The following ANO6 variants were observed in gnomAD, a reference collection of about 807,000 sequenced individuals.
The protein encoded by ANO6 is anoctamin-6.
Under a neutral mutation model 117.5 loss-of-function variants are expected in ANO6, and 106 were observed. The observed-to-expected ratio is 0.90, with a 90% confidence interval of 0.77 to 1.06. The LOEUF is 1.06. ANO6 is among the 50% of genes least tolerant of loss of function. The pLI, the probability that ANO6 is intolerant of heterozygous loss-of-function variation, is 0.00. For missense variants in ANO6, 955 were observed against 1,121.1 expected, an observed-to-expected ratio of 0.85 and a Z score of 2.12; for synonymous variants, 367 against 385.1, an observed-to-expected ratio of 0.95 and a Z score of 0.55.
chr12:45,343,677 A>G (rs557985348), intron 3 of ANO6, among the ~76,000 whole-genome samples: 165 of 152,300 alleles, frequency 1.1e-3, no homozygotes, highest in Middle Eastern at 3.4e-3. Context: ...AGAACTCACA[A>G]ATTCTCCTGA....
intron 9 of ANO6, among the ~76,000 whole-genome samples, chr12:45,377,089 A>T (rs1190033957): frequency 6.6e-6 from 1 of 151,986 alleles, no homozygotes; most frequent in Non-Finnish European, 1.5e-5. Context: ...AATCACCTAA[A>T]GCAGACTTTT....
At chr12:45,331,173 T>C (rs1318239641) in intron 2 of ANO6, 122 bp from the exon 3 acceptor site, 4 of 827,036 alleles carry the variant, frequency 4.8e-6, no homozygotes, top group Non-Finnish European at 7.6e-6. Flanking sequence ...TTTGGTAAGC[T>C]AACTAGTAGT....
chr12:45,409,029 T>G lies in ANO6; in HGVS notation c.1881-328T>G, dbSNP rs1943017714. Among the ~76,000 whole-genome samples the G allele has an allele frequency of 2.0e-5, 3 of 152,194 alleles. No individual in the cohort carries two copies. The South Asian group carries it at 6.2e-4, about 32-fold the overall frequency. On this transcript the variant is annotated intron_variant, in intron 15 of 19. Coordinates refer to ENST00000320560, the MANE Select transcript of ANO6 (RefSeq NM_001025356.3). ...CTGTTGATTTTCATACTGGCAAGAC[T>G]ATTTTGAATGATAAGGGGGAAATGA... is the stretch of plus-strand genomic sequence containing the variant.
Position 45,281,439 on chromosome 12 carries a change from A to G in ANO6, c.71-20575A>G, listed in dbSNP as rs192038364. ...GTTCTGCAGGCTATACAGGAAGTGCACTGTTGGCATCTGCTTCTAGGAGGG... is the reference window on the plus strand; with the variant it reads ...GTTCTGCAGGCTATACAGGAAGTGCGCTGTTGGCATCTGCTTCTAGGAGGG... On this transcript the variant is annotated intron_variant, in intron 1 of 19. Transcript: ENST00000320560. 7.9e-5 allele frequency among the ~76,000 whole-genome samples: 12 copies of G among 152,360 alleles called. No homozygotes were observed. In the East Asian group the frequency reaches 1.3e-3, roughly 17 times the overall value.
At chr12:45,381,892 T>A (rs991609617) in intron 10 of ANO6, among the ~76,000 whole-genome samples, 1 of 152,070 alleles carries the variant, frequency 6.6e-6, no homozygotes, top group Non-Finnish European at 1.5e-5. Context: ...TTATCATGAA[T>A]TATCTCCTGT....
chr12:45,426,783 G>A (rs912461094), intron 19 of ANO6, among the ~76,000 whole-genome samples: 4 of 151,930 alleles, frequency 2.6e-5, no homozygotes, highest in African/African-American at 9.7e-5. Context: ...TCATCCCTTG[G>A]TTGTCATCTT....
chr12:45,343,816 CAGT>C (rs1941048837), intron 3 of ANO6, among the ~76,000 whole-genome samples: 1 of 152,172 alleles, frequency 6.6e-6, no homozygotes, highest in Non-Finnish European at 1.5e-5. Flanking sequence ...CACTGACTAG[CAGT>C]AGCTATGGAC....
At chr12:45,222,989 G>T (rs1410937807) in intron 1 of ANO6, among the ~76,000 whole-genome samples, 1 of 152,276 alleles carries the variant, frequency 6.6e-6, no homozygotes, top group Non-Finnish European at 1.5e-5. Context: ...GGTTCAGGGA[G>T]TTTCTGGATA....
At chr12:45,379,646 A>G (rs867703088) in intron 10 of ANO6, among the ~76,000 whole-genome samples, 21 of 152,228 alleles carry the variant, frequency 1.4e-4, no homozygotes, top group African/African-American at 4.3e-4. Context: ...ACTAAACTGC[A>G]TATACTAATG....
chr12:45,279,904 A>G (rs1938667413), intron 1 of ANO6, among the ~76,000 whole-genome samples: 1 of 152,240 alleles, frequency 6.6e-6, no homozygotes, highest in Non-Finnish European at 1.5e-5. Flanking sequence ...TAATTCTGAC[A>G]TTTTCAAAGT....
chr12:45,320,132 G>C (rs1251996221), intron 2 of ANO6, among the ~76,000 whole-genome samples: 2 of 152,056 alleles, frequency 1.3e-5, no homozygotes, highest in Non-Finnish European at 2.9e-5. Context: ...GTTCTTCTCT[G>C]ATCTTAGTTA....
chr12:45,415,064 T>C (rs1943181441), intron 16 of ANO6, among the ~76,000 whole-genome samples: 1 of 148,486 alleles, frequency 6.7e-6, no homozygotes, highest in Non-Finnish European at 1.5e-5. Context: ...GGCTGACCTG[T>C]CAGCTTTTTT....
chr12:45,310,011 G>A (rs1008665902), intron 2 of ANO6, among the ~76,000 whole-genome samples: 1 of 152,080 alleles, frequency 6.6e-6, no homozygotes, highest in African/African-American at 2.4e-5. Flanking sequence ...AATTCACATG[G>A]CATCTCAAGG....
intron 1 of ANO6, among the ~76,000 whole-genome samples, chr12:45,268,888 G>A (rs778827785): frequency 1.3e-5 from 2 of 152,188 alleles, no homozygotes; most frequent in Non-Finnish European, 1.5e-5. Flanking sequence ...TGCTATTTCC[G>A]TGCTCAGGGC....
chr12:45,238,076 C>T (rs1429860035), intron 1 of ANO6, among the ~76,000 whole-genome samples: 1 of 151,702 alleles, frequency 6.6e-6, no homozygotes, highest in Non-Finnish European at 1.5e-5. Context: ...ATTTTGTATC[C>T]TGAGACTTTG....
intron 13 of ANO6, among the ~76,000 whole-genome samples, chr12:45,402,570 C>T (rs1408361876): frequency 6.6e-6 from 1 of 152,202 alleles, no homozygotes. Flanking sequence ...ATGGCCTGCT[C>T]GGTGATCATC....
At chr12:45,263,624 T>C (rs74080989) in intron 1 of ANO6, among the ~76,000 whole-genome samples, 1,587 of 152,232 alleles carry the variant, frequency 0.01, 31 homozygotes, top group African/African-American at 0.036. Flanking sequence ...TCCTAACTTT[T>C]TATAGATGTG....
At chr12:45,216,870 G>A (rs1416226788) in intron 1 of ANO6, among the ~76,000 whole-genome samples, 3 of 152,170 alleles carry the variant, frequency 2.0e-5, no homozygotes, top group Admixed American at 2.0e-4. Context: ...GCTCTGGGAG[G>A]TTTGAGGCCT....
intron 12 of ANO6, among the ~76,000 whole-genome samples, chr12:45,401,226 T>C (rs970306436): frequency 5.3e-5 from 8 of 152,216 alleles, no homozygotes; most frequent in African/African-American, 1.9e-4. Context: ...GCTCAGACTC[T>C]CCCCTGCTAC....
Sources: gnomAD v4.1 joint callset for allele counts (sites outside exome capture counted in the v4.1 genomes callset) on GRCh38, gnomAD v4.1.1 for gene constraint, MANE v1.5 for transcripts, NCBI Gene and HGNC (gene_info 2026-07-23, HGNC 2026-07-21) for gene names.